Variants in DOCK7 observed in about 807,000 individuals in gnomAD.
DOCK7 encodes the protein dedicator of cytokinesis protein 7.
A neutral mutation model predicts 271.0 loss-of-function variants in DOCK7; 138 were observed. The ratio of observed to expected loss-of-function variants is 0.51; its 90% confidence interval spans 0.44 to 0.59. DOCK7 has a LOEUF of 0.59. DOCK7 is among the 20% of genes least tolerant of loss of function. The pLI is 0.00. For synonymous variants in DOCK7, 823 were observed against 876.1 expected, an observed-to-expected ratio of 0.94 and a Z score of 1.07; for missense variants, 2,066 against 2,592.4, an observed-to-expected ratio of 0.80 and a Z score of 4.41.
At chr1:62,545,193 T>A (rs1216465792) in intron 22 of DOCK7, among the ~76,000 whole-genome samples, 154 bp from the exon 23 acceptor site, 1 of 152,164 alleles carries the variant, frequency 6.6e-6, no homozygotes, top group African/African-American at 2.4e-5. Context: ...TATAGAGTAT[T>A]AGTTCATCAA....
intron 14 of DOCK7, chr1:62,604,969 A>T: frequency 1.4e-6 from 1 of 722,508 alleles, no homozygotes; most frequent in Non-Finnish European, 2.3e-6. Context: ...TAAACATACA[A>T]TCACATAACC....
chr1:62,669,484 T>C (rs1035424814), intron 1 of DOCK7, among the ~76,000 whole-genome samples: 5 of 152,176 alleles, frequency 3.3e-5, no homozygotes, highest in African/African-American at 1.2e-4. Flanking sequence ...TCACGTCTGA[T>C]TGGGGTATTC....
intron 18 of DOCK7, among the ~76,000 whole-genome samples, chr1:62,572,459 T>C (rs1179367969): frequency 1.3e-5 from 2 of 152,200 alleles, no homozygotes; most frequent in Non-Finnish European, 2.9e-5. Flanking sequence ...GCACAGAAAG[T>C]GTCTTAGTCA....
intron 33 of DOCK7, 73 bp downstream of exon 33, chr1:62,513,371 T>G: frequency 7.2e-7 from 1 of 1,383,776 alleles, no homozygotes; most frequent in Non-Finnish European, 9.5e-7. Context: ...TTAAAAAGCA[T>G]AGGATTGACA....
At chr1:62,623,331 A>T (rs1455852724) in intron 12 of DOCK7, among the ~76,000 whole-genome samples, 1 of 152,214 alleles carries the variant, frequency 6.6e-6, no homozygotes, top group Non-Finnish European at 1.5e-5. Flanking sequence ...TTTAATACAG[A>T]ACCATATTAA....
chr1:62,473,848 G>C, intron 48 of DOCK7, 134 bp downstream of exon 48: 1 of 577,628 alleles, frequency 1.7e-6, no homozygotes, highest in Non-Finnish European at 3.0e-6. Context: ...GCCTCCCAAA[G>C]TGCTGAGATT....
chr1:62,565,665 C>T (rs1409471306), intron 18 of DOCK7, among the ~76,000 whole-genome samples: 1 of 152,124 alleles, frequency 6.6e-6, no homozygotes, highest in Non-Finnish European at 1.5e-5. Flanking sequence ...CAAGGATGCC[C>T]TCTCTCACCA....
At chr1:62,634,946 C>T (rs760006738) in intron 8 of DOCK7, 24 bp from the exon 9 acceptor site, 2 of 1,517,866 alleles carry the variant, frequency 1.3e-6, no homozygotes, top group South Asian at 2.4e-5. Flanking sequence ...GTATGTTAAA[C>T]TTTAAAATAT....
At chr1:62,664,198 T>C (rs1659006672) in intron 1 of DOCK7, among the ~76,000 whole-genome samples, 1 of 152,076 alleles carries the variant, frequency 6.6e-6, no homozygotes, top group Non-Finnish European at 1.5e-5. Flanking sequence ...AATGAATAAG[T>C]AGAAATAGGG....
chr1:62,654,433 A>C (rs1173147143), intron 2 of DOCK7, among the ~76,000 whole-genome samples: 1 of 152,132 alleles, frequency 6.6e-6, no homozygotes, highest in Non-Finnish European at 1.5e-5. Context: ...TAACAGTTTT[A>C]TTCTACTTTA....
intron 7 of DOCK7, chr1:62,641,714 C>T (rs2149660967): frequency 3.2e-6 from 1 of 316,210 alleles, no homozygotes. Flanking sequence ...GGGCCTTCCC[C>T]CTCCCAACTT....
intron 1 of DOCK7, among the ~76,000 whole-genome samples, chr1:62,673,277 G>A (rs1207775117): frequency 6.6e-6 from 1 of 152,114 alleles, no homozygotes; most frequent in African/African-American, 2.4e-5. Flanking sequence ...GATGTCAGGT[G>A]TCTCATATAT....
chr1:62,494,292 C>T lies in DOCK7; in HGVS notation c.5200G>A (p.Gly1734Arg). 1 of 1,592,690 alleles carries T rather than the reference C, an allele frequency of 6.3e-7. No individual in the cohort carries two copies. Among genetic ancestry groups the T allele is most frequent in the Non-Finnish European group, 8.6e-7 (1 of 1,164,128 alleles). ...MLEDRKYLPV[G>R]CVTFQNISSN... ...ATTCCTACCTGAAATGTTACACATC[C>T]CACAGGAAGATATTTCCGGTCCTCC... Residue 1734 changes from glycine to arginine, a missense_variant, in exon 40 of 50, where the codon GGA (glycine) becomes AGA (arginine). Coordinates refer to ENST00000635253, the MANE Select transcript of DOCK7 (RefSeq NM_001367561.1).
In DOCK7 at chr1:62,513,441, C is replaced by T. The variant is rs1462488297; in HGVS notation, c.4282+3G>A. On this transcript the variant is annotated splice_donor_region_variant and intron_variant, in intron 33 of 49. Transcript: ENST00000635253. ...AACTCAAGGAAATTGAAGAAATTCT[C>T]ACCAGGAGGAGAAGCTATTGTGTAC... is the stretch of plus-strand genomic sequence containing the variant. 6.3e-7 allele frequency: 1 copy of T among 1,585,594 alleles called. No individual in the cohort carries two copies. Among genetic ancestry groups the T allele is most frequent in the African/African-American group, 1.4e-5 (1 of 73,100 alleles).
intron 14 of DOCK7, among the ~76,000 whole-genome samples, chr1:62,606,403 T>C (rs1301329075): frequency 1.3e-5 from 2 of 152,032 alleles, no homozygotes; most frequent in South Asian, 2.1e-4. Flanking sequence ...TAAAGCTTTT[T>C]TCTACCAGAA....
chr1:62,570,090 T>C (rs1008089030), intron 18 of DOCK7, among the ~76,000 whole-genome samples: 3 of 152,130 alleles, frequency 2.0e-5, no homozygotes, highest in Non-Finnish European at 4.4e-5. Flanking sequence ...GGTATTTAAA[T>C]AGGATGAGAA....
intron 2 of DOCK7, among the ~76,000 whole-genome samples, chr1:62,661,075 A>C (rs1478845706): frequency 6.6e-6 from 1 of 151,776 alleles, no homozygotes; most frequent in South Asian, 2.1e-4. Context: ...CTCAGCCTCG[A>C]TGATAAAGCA....
At chr1:62,620,244 G>A (rs1189021333) in intron 12 of DOCK7, among the ~76,000 whole-genome samples, 3 of 151,764 alleles carry the variant, frequency 2.0e-5, no homozygotes, top group African/African-American at 7.3e-5. Context: ...AATCACGGGA[G>A]ATGGAGGTTG....
chr1:62,496,025 T>C (rs530113893), intron 38 of DOCK7: 22 of 355,282 alleles, frequency 6.2e-5, no homozygotes, highest in Non-Finnish European at 9.4e-5. Flanking sequence ...GTAGAAACTT[T>C]AGTTTTTAAG....
Sources: allele counts gnomAD v4.1 joint callset (sites outside exome capture counted in the v4.1 genomes callset), GRCh38; gene constraint gnomAD v4.1.1; transcripts MANE v1.5; gene names NCBI Gene and HGNC (gene_info 2026-07-23, HGNC 2026-07-21).